TANC1: variants seen among roughly 807,000 people sequenced by gnomAD.
TANC1 encodes the protein protein TANC1.
Under a neutral mutation model 149.7 loss-of-function variants are expected in TANC1, and 77 were observed. The ratio of observed to expected loss-of-function variants is 0.51; its 90% confidence interval spans 0.43 to 0.62. The LOEUF (loss-of-function observed/expected upper bound fraction) is 0.62, where lower values mean the gene tolerates loss of function less well. TANC1 is among the 20% of genes least tolerant of loss of function. TANC1 has a pLI of 0.00. For synonymous variants in TANC1, 854 were observed against 925.0 expected (o/e 0.92, Z 1.39); for missense variants, 1,985 against 2,321.8 (o/e 0.85, Z 2.98).
rs143485446 is a variant in TANC1 at position 159,040,241 on chromosome 2, G to T, written c.-15-25655G>T. On this transcript the variant is annotated intron_variant, in intron 2 of 26. Transcript: ENST00000263635. ...CCATCCCTTTATTTTTGAGCCTGGGGGTTGCTCTTCTCAAGGAGTATCTTT... is the reference window on the plus strand; with the variant it reads ...CCATCCCTTTATTTTTGAGCCTGGGTGTTGCTCTTCTCAAGGAGTATCTTT... Among the ~76,000 whole-genome samples, 10 of 151,698 alleles carry T rather than the reference G, an allele frequency of 6.6e-5. No individual in the cohort carries two copies. The East Asian group carries it at 1.9e-3, about 29-fold the overall frequency.
chr2:159,190,989 T>C (rs185765566), intron 16 of TANC1, among the ~76,000 whole-genome samples: 2 of 152,388 alleles, frequency 1.3e-5, no homozygotes, highest in Admixed American at 6.5e-5. Flanking sequence ...GTCATTTGCC[T>C]GAAGTTGCCC....
chr2:159,205,839 G>A (rs894279667), intron 19 of TANC1, among the ~76,000 whole-genome samples: 6 of 152,234 alleles, frequency 3.9e-5, no homozygotes, highest in African/African-American at 7.2e-5. Flanking sequence ...GAAGGAAAGC[G>A]TTTGCCCATG....
At chr2:159,066,038 C>T (rs2042629745) in intron 3 of TANC1, 67 bp downstream of exon 3, 12 of 1,276,228 alleles carry the variant, frequency 9.4e-6, no homozygotes, top group Admixed American at 1.7e-5. Flanking sequence ...CACCCCAGGC[C>T]GGATGGATTT....
intron 2 of TANC1, among the ~76,000 whole-genome samples, chr2:159,054,677 T>G (rs1324166030): frequency 6.6e-6 from 1 of 152,218 alleles, no homozygotes; most frequent in African/African-American, 2.4e-5. Flanking sequence ...CTTAGGTTTA[T>G]AATACCAAAT....
At chr2:159,061,459 C>T (rs1293901521) in intron 2 of TANC1, among the ~76,000 whole-genome samples, 1 of 152,214 alleles carries the variant, frequency 6.6e-6, no homozygotes, top group Non-Finnish European at 1.5e-5. Flanking sequence ...ACCCAGAGGA[C>T]AAGAAGAATC....
At chr2:159,160,253 C>G (rs1168380323) in intron 7 of TANC1, among the ~76,000 whole-genome samples, 1 of 151,958 alleles carries the variant, frequency 6.6e-6, no homozygotes, top group Non-Finnish European at 1.5e-5. Context: ...GTCCAAAGAA[C>G]AAAATGCTAG....
intron 4 of TANC1, among the ~76,000 whole-genome samples, chr2:159,122,696 T>C (rs1292625388): frequency 6.6e-6 from 1 of 152,170 alleles, no homozygotes; most frequent in Non-Finnish European, 1.5e-5. Flanking sequence ...GAGTCTGGCT[T>C]CTTTCGCTTA....
chr2:159,212,435 A>C (rs1402248960), intron 19 of TANC1, among the ~76,000 whole-genome samples: 3 of 152,202 alleles, frequency 2.0e-5, no homozygotes, highest in African/African-American at 7.2e-5. Context: ...ATCAATCCAG[A>C]AAATGTATAT....
intron 2 of TANC1, among the ~76,000 whole-genome samples, chr2:159,040,618 T>G (rs1388323800): frequency 6.6e-6 from 1 of 152,216 alleles, no homozygotes; most frequent in Non-Finnish European, 1.5e-5. Context: ...ATCAGGTCAT[T>G]TAAGGTCTTC....
chr2:158,979,189 A>G (rs985207256), intron 1 of TANC1, among the ~76,000 whole-genome samples: 2 of 152,302 alleles, frequency 1.3e-5, no homozygotes, highest in South Asian at 2.1e-4. Context: ...GGATCTGTTT[A>G]TAAGCATAGG....
At chr2:159,156,908 G>C (rs1479608905) in intron 7 of TANC1, among the ~76,000 whole-genome samples, 2 of 152,202 alleles carry the variant, frequency 1.3e-5, no homozygotes, top group Admixed American at 1.3e-4. Flanking sequence ...ATTCCTTTAG[G>C]TGTTTCCTTA....
intron 16 of TANC1, among the ~76,000 whole-genome samples, chr2:159,188,912 A>G (rs1480858566): frequency 6.6e-6 from 1 of 152,162 alleles, no homozygotes; most frequent in Non-Finnish European, 1.5e-5. Context: ...TCGTTGGGGG[A>G]AAATCTATAG....
intron 11 of TANC1, among the ~76,000 whole-genome samples, chr2:159,173,381 T>C (rs1398447895): frequency 6.6e-6 from 1 of 152,198 alleles, no homozygotes; most frequent in Non-Finnish European, 1.5e-5. Context: ...GGCGTACAGA[T>C]CACTCCAGTG....
chr2:159,167,981 A>T (rs11886137), intron 8 of TANC1, among the ~76,000 whole-genome samples: 58 of 152,210 alleles, frequency 3.8e-4, no homozygotes, highest in African/African-American at 1.4e-3. Context: ...CCCACTGAAG[A>T]TGTCCCCAGT....
chr2:159,221,524 T>C (rs940708603), intron 22 of TANC1, among the ~76,000 whole-genome samples: 4 of 152,220 alleles, frequency 2.6e-5, no homozygotes, highest in African/African-American at 4.8e-5. Context: ...TCCCAGCCTC[T>C]TTCTGTTCTC....
chr2:159,147,585 T>C (rs550574726), intron 5 of TANC1: 4 of 152,480 alleles, frequency 2.6e-5, no homozygotes, highest in Admixed American at 2.0e-4. Context: ...AGAGCGGCTT[T>C]GGCATGAGGT....
At chr2:159,140,295 C>G (rs1402851270) in intron 5 of TANC1, among the ~76,000 whole-genome samples, 1 of 151,880 alleles carries the variant, frequency 6.6e-6, no homozygotes. Context: ...AAAACCCTTT[C>G]TTTCCCAAGA....
At chr2:158,976,487 A>C (rs760605822) in intron 1 of TANC1, among the ~76,000 whole-genome samples, 3 of 152,252 alleles carry the variant, frequency 2.0e-5, no homozygotes, top group Non-Finnish European at 4.4e-5. Flanking sequence ...TCTTGCAAAG[A>C]AAGTGTAATG....
rs929076381 is a variant in TANC1, at chr2:159,065,685, C to A, written c.-15-211C>A. Among the ~76,000 whole-genome samples the A allele has an allele frequency of 2.0e-5, 3 of 150,842 alleles. 1 individual carries two copies. Among genetic ancestry groups the A allele is most frequent in the Non-Finnish European group, 4.4e-5 (3 of 67,876 alleles). ...TTTCTAACAACAGTGAACTTCTGAGCACTTCATTAAAAGTTATAGAACATT... is the reference window on the plus strand; with the variant it reads ...TTTCTAACAACAGTGAACTTCTGAGAACTTCATTAAAAGTTATAGAACATT... On this transcript the variant is annotated intron_variant, in intron 2 of 26. Transcript: ENST00000263635.
Sources: allele counts gnomAD v4.1 joint callset (sites outside exome capture counted in the v4.1 genomes callset), GRCh38; gene constraint gnomAD v4.1.1; transcripts MANE v1.5; gene names NCBI Gene and HGNC (gene_info 2026-07-23, HGNC 2026-07-21).